The following MDFIC2 variants were observed in gnomAD, a reference collection of about 807,000 sequenced individuals.
MDFIC2 encodes MyoD family inhibitor domain containing 2, also known as myoD family inhibitor domain-containing protein 2.
intron 2 of MDFIC2, among the ~76,000 whole-genome samples, chr3:70,263,040 A>G (rs996878060): frequency 1.3e-5 from 2 of 152,024 alleles, no homozygotes; most frequent in African/African-American, 4.8e-5. Context: ...TATTTCATTT[A>G]TTTCTAGGTA....
intron 2 of MDFIC2, among the ~76,000 whole-genome samples, chr3:70,213,010 T>C (rs1278434266): frequency 6.6e-6 from 1 of 152,154 alleles, no homozygotes; most frequent in Non-Finnish European, 1.5e-5. Context: ...GGTTTCACCA[T>C]GCTGCCTGGG....
At chr3:70,230,118 T>C (rs1234192020) in intron 2 of MDFIC2, among the ~76,000 whole-genome samples, 1 of 152,210 alleles carries the variant, frequency 6.6e-6, no homozygotes, top group Non-Finnish European at 1.5e-5. Flanking sequence ...CTTAAGTTTA[T>C]AGAATTAAAA....
intron 2 of MDFIC2, among the ~76,000 whole-genome samples, chr3:70,280,966 T>C (rs1702076791): frequency 6.6e-6 from 1 of 152,214 alleles, no homozygotes. Context: ...TGTGATCGTA[T>C]TTCTACACAG....
At chr3:70,245,858 T>C (rs1244521692) in intron 2 of MDFIC2, among the ~76,000 whole-genome samples, 1 of 151,066 alleles carries the variant, frequency 6.6e-6, no homozygotes. Context: ...TTAAAAACAA[T>C]CTCCGCAGAA....
intron 3 of MDFIC2, chr3:70,205,837 T>C (rs1182278020): frequency 6.6e-6 from 1 of 152,150 alleles, no homozygotes; most frequent in African/African-American, 2.4e-5. Context: ...TAAATGCTAA[T>C]GTAGATACTG....
intron 2 of MDFIC2, among the ~76,000 whole-genome samples, chr3:70,265,467 C>T (rs545198742): frequency 1.3e-5 from 2 of 151,658 alleles, no homozygotes; most frequent in South Asian, 4.2e-4. Context: ...ACCCACCCCA[C>T]CCTGCTCCAT....
At chr3:70,272,920 T>C (rs1186550797) in intron 2 of MDFIC2, among the ~76,000 whole-genome samples, 1 of 152,192 alleles carries the variant, frequency 6.6e-6, no homozygotes, top group African/African-American at 2.4e-5. Flanking sequence ...GCAACTAACA[T>C]TCTGCAAAAA....
chr3:70,289,898 T>C (rs1575616951), intron 2 of MDFIC2, among the ~76,000 whole-genome samples: 1 of 151,980 alleles, frequency 6.6e-6, no homozygotes, highest in South Asian at 2.1e-4. Flanking sequence ...CGAGCCTTGG[T>C]TTTCAGCTCC....
intron 3 of MDFIC2, among the ~76,000 whole-genome samples, chr3:70,200,956 C>CT (rs1160500237): frequency 1.4e-4 from 11 of 80,724 alleles, no homozygotes; most frequent in Admixed American, 7.8e-4. Context: ...GCCCTCTATA[C>CT]TTTTTTTGGG....
intron 2 of MDFIC2, among the ~76,000 whole-genome samples, chr3:70,267,384 T>G (rs933614959): frequency 2.0e-5 from 3 of 149,942 alleles, no homozygotes; most frequent in African/African-American, 7.3e-5. Flanking sequence ...TACAGATTCT[T>G]TTTTAATAGC....
chr3:70,256,389 T>G (rs1295394452), intron 2 of MDFIC2, among the ~76,000 whole-genome samples: 1 of 152,198 alleles, frequency 6.6e-6, no homozygotes, highest in Non-Finnish European at 1.5e-5. Context: ...CTAAGATTCC[T>G]TTAAAATGCC....
At chr3:70,218,895 T>C (rs967697400) in intron 2 of MDFIC2, among the ~76,000 whole-genome samples, 1 of 152,142 alleles carries the variant, frequency 6.6e-6, no homozygotes, top group Admixed American at 6.6e-5. Context: ...ATTCTGAATA[T>C]ATTTTAGAGT....
chr3:70,291,356 G>C (rs924984838), intron 2 of MDFIC2: 1 of 151,910 alleles, frequency 6.6e-6, no homozygotes, highest in Non-Finnish European at 1.5e-5. Flanking sequence ...TAACTCTTTA[G>C]AACAGTGTTA....
At chr3:70,296,847 T>C (rs1702294445) in intron 2 of MDFIC2, among the ~76,000 whole-genome samples, 1 of 152,236 alleles carries the variant, frequency 6.6e-6, no homozygotes, top group East Asian at 1.9e-4. Flanking sequence ...AAGGCATATG[T>C]AATAATGGCC....
At chr3:70,255,199 T>C (rs1387698973) in intron 2 of MDFIC2, among the ~76,000 whole-genome samples, 1 of 152,186 alleles carries the variant, frequency 6.6e-6, no homozygotes, top group Non-Finnish European at 1.5e-5. Flanking sequence ...AAAAGAAAAG[T>C]AAAAACTTAA....
chr3:70,253,607 T>A (rs181761375), intron 2 of MDFIC2, among the ~76,000 whole-genome samples: 126 of 152,186 alleles, frequency 8.3e-4, no homozygotes, highest in African/African-American at 2.9e-3. Flanking sequence ...TCTGTAGTCC[T>A]AGCTAGTCAA....
intron 2 of MDFIC2, among the ~76,000 whole-genome samples, chr3:70,230,803 C>G (rs1261823256): frequency 6.6e-6 from 1 of 152,152 alleles, no homozygotes; most frequent in Non-Finnish European, 1.5e-5. Context: ...GGTCCAAATA[C>G]GTCTTCAAAT....
intron 2 of MDFIC2, among the ~76,000 whole-genome samples, chr3:70,218,016 G>A (rs925918936): frequency 1.3e-5 from 2 of 152,160 alleles, no homozygotes; most frequent in African/African-American, 4.8e-5. Flanking sequence ...CGAGGGAACA[G>A]AGGAGCAAAT....
At chr3:70,296,448 A>G (rs1026542548) in intron 2 of MDFIC2, among the ~76,000 whole-genome samples, 1 of 152,138 alleles carries the variant, frequency 6.6e-6, no homozygotes, top group African/African-American at 2.4e-5. Flanking sequence ...GCCCCAGTTT[A>G]TAGAACCCAT....
Sources: gnomAD v4.1 joint callset for allele counts (sites outside exome capture counted in the v4.1 genomes callset) on GRCh38, gnomAD v4.1.1 for gene constraint, MANE v1.5 for transcripts, NCBI Gene and HGNC (gene_info 2026-07-23, HGNC 2026-07-21) for gene names.